ETFDH: variants seen among roughly 807,000 people sequenced by gnomAD.
ETFDH encodes the protein electron transfer flavoprotein dehydrogenase.
A neutral mutation model predicts 73.2 loss-of-function variants in ETFDH; 61 were observed. That is an observed-to-expected ratio of 0.83 (90% CI 0.68 to 1.03). The LOEUF (loss-of-function observed/expected upper bound fraction) is 1.03. Ranked by LOEUF, ETFDH falls within the 50% of genes least tolerant of loss-of-function variation. The pLI, the probability that ETFDH is intolerant of heterozygous loss-of-function variation, is 0.00. For missense variants in ETFDH, 685 were observed against 745.0 expected (o/e 0.92, Z 0.94); for synonymous variants, 243 against 253.3 (o/e 0.96, Z 0.39).
chr4:158,692,478 A>AT (rs966143642), intron 6 of ETFDH, among the ~76,000 whole-genome samples: 2 of 151,314 alleles, frequency 1.3e-5, no homozygotes, highest in African/African-American at 4.9e-5. Flanking sequence ...CCCCATCAGA[A>AT]TCATGTGACA....
At position 158,680,530 on chromosome 4, in the gene ETFDH, G is replaced by A. The variant is rs1169197181; in HGVS notation, c.98G>A (p.Trp33Ter). Residue 33 changes from tryptophan (W) to a stop codon, truncating the protein, a stop_gained, in exon 2 of 13, where the codon TGG becomes TAG. Transcript: ENST00000511912. LOFTEE classifies it high-confidence loss of function. ...TATCTACCTCTATGTGCTACAAGAT[G>A]GTCTTCAACTTCTACTGTGCCTCGA... ...KNYLPLCATR[W>*]SSTSTVPRIT... The A allele has an allele frequency of 6.3e-7, 1 of 1,598,662 alleles. No individual in the cohort carries two copies. Among genetic ancestry groups the A allele is most frequent in the Non-Finnish European group, 8.6e-7 (1 of 1,165,962 alleles).
rs573833715 is a variant in ETFDH, at chr4:158,697,154, G to GC, written c.832-404dup. Among the ~76,000 whole-genome samples the GC allele has an allele frequency of 2.0e-4, 30 of 151,974 alleles. No homozygotes were observed. In the South Asian group the frequency reaches 6.0e-3, roughly 31 times the overall value. On this transcript the variant is annotated intron_variant, in intron 7 of 12. Transcript: ENST00000511912. Reference sequence around the variant, plus strand: ...CTCTCACCCAGGCTGGAGTGCAGTGGCATGATCTTGGCTCACCGCAACTTC... The same window carrying GC: ...CTCTCACCCAGGCTGGAGTGCAGTGGCCATGATCTTGGCTCACCGCAACTTC...
intron 12 of ETFDH, 98 bp from the exon 13 acceptor site, chr4:158,708,266 T>A: frequency 1.2e-6 from 1 of 864,874 alleles, no homozygotes; most frequent in Non-Finnish European, 1.8e-6. Context: ...AAAGCAACCT[T>A]TAAGGTTTCT....
At chr4:158,706,489 C>A in intron 11 of ETFDH, 118 bp downstream of exon 11, 2 of 1,109,558 alleles carry the variant, frequency 1.8e-6, no homozygotes, top group Non-Finnish European at 2.7e-6. Context: ...AATTTAGTGT[C>A]TAAGAACAGT....
chr4:158,685,700 A>G (rs911327323), intron 5 of ETFDH, among the ~76,000 whole-genome samples: 2 of 152,210 alleles, frequency 1.3e-5, no homozygotes, highest in African/African-American at 4.8e-5. Flanking sequence ...GACAATAGAC[A>G]GAGTAATAGG....
intron 2 of ETFDH, 127 bp downstream of exon 2, chr4:158,680,734 C>A: frequency 1.3e-6 from 1 of 785,924 alleles, no homozygotes; most frequent in Non-Finnish European, 2.2e-6. Context: ...TTTACCAAGT[C>A]ACATGCTGCA....
In ETFDH at chr4:158,703,558, C is replaced by A. The variant is rs769904185; in HGVS notation, c.1252C>A (p.Leu418Ile). ...AGCAGCAGAATCTATTTTTAATCAA[C>A]TAACTAGTGAAAATCTCCAATCAAA... Reference protein sequence around the residue: ...ILAAESIFNQLTSENLQSKTI... With the variant: ...ILAAESIFNQITSENLQSKTI... Residue 418 changes from leucine to isoleucine, a missense_variant, in exon 10 of 13, where the codon CTA becomes ATA. By Grantham distance (5) the Leu-to-Ile change is conservative. Around this residue, in one of 3 missense-constraint regions of ETFDH, gnomAD observed 79 missense variants for 120.5 expected, o/e 0.66. Transcript: ENST00000511912. The A allele has an allele frequency of 1.2e-6, 2 of 1,607,492 alleles. No homozygotes were observed. Among genetic ancestry groups the A allele is most frequent in the Non-Finnish European group, 1.7e-6 (2 of 1,174,314 alleles).
chr4:158,684,508 A>G, intron 3 of ETFDH, 84 bp from the exon 4 acceptor site: 1 of 774,550 alleles, frequency 1.3e-6, no homozygotes. Context: ...TTGTCATCAG[A>G]GTACATTTTA....
intron 9 of ETFDH, among the ~76,000 whole-genome samples, chr4:158,700,294 ATTGT>A: frequency 6.6e-6 from 1 of 152,180 alleles, no homozygotes. Flanking sequence ...TTCTCATGAG[ATTGT>A]TTTTGTTTCT....
At chr4:158,681,929 C>T (rs546116016) in intron 2 of ETFDH, 23 of 467,364 alleles carry the variant, frequency 4.9e-5, no homozygotes, top group Non-Finnish European at 8.1e-5. Context: ...CTGTATTTTA[C>T]ACAAGTAAAT....
chr4:158,687,717 C>A (rs2150307686), intron 5 of ETFDH, among the ~76,000 whole-genome samples: 1 of 152,266 alleles, frequency 6.6e-6, no homozygotes, highest in South Asian at 2.1e-4. Context: ...ACTATTGATT[C>A]TTATTATGCA....
intron 5 of ETFDH, among the ~76,000 whole-genome samples, chr4:158,687,308 G>T (rs903926237): frequency 6.6e-6 from 1 of 152,158 alleles, no homozygotes; most frequent in Non-Finnish European, 1.5e-5. Context: ...AGAGACAGAC[G>T]ATTAAGAGAC....
intron 5 of ETFDH, among the ~76,000 whole-genome samples, chr4:158,688,321 G>A (rs1204626661): frequency 6.6e-6 from 1 of 150,406 alleles, no homozygotes; most frequent in African/African-American, 2.4e-5. Flanking sequence ...GAACCCGGGA[G>A]GCAGAGGTTG....
chr4:158,679,236 A>G (rs754375871), intron 1 of ETFDH: 7 of 151,844 alleles, frequency 4.6e-5, no homozygotes, highest in Non-Finnish European at 8.8e-5. Flanking sequence ...ATAAGTTTCT[A>G]TATCTGTCAA....
Position 158,689,817 on chromosome 4 carries a change from C to T in ETFDH, c.607-531C>T, listed in dbSNP as rs528009045. ...GTTACAGACTATTGCTATTTCTCCTCATCAGAATTACACTTTTGACCTATT... is the reference window on the plus strand; with the variant it reads ...GTTACAGACTATTGCTATTTCTCCTTATCAGAATTACACTTTTGACCTATT... On this transcript the variant is annotated intron_variant, in intron 5 of 12. Coordinates refer to ENST00000511912, the MANE Select transcript of ETFDH (RefSeq NM_004453.4). 3.2e-4 allele frequency among the ~76,000 whole-genome samples: 49 copies of T among 151,750 alleles called. No individual in the cohort carries two copies. In the South Asian group the frequency reaches 4.8e-3, roughly 15 times the overall value.
At chr4:158,694,862 A>G (rs1269199434) in intron 6 of ETFDH, among the ~76,000 whole-genome samples, 1 of 152,152 alleles carries the variant, frequency 6.6e-6, no homozygotes, top group African/African-American at 2.4e-5. Flanking sequence ...CCAATATTGT[A>G]CGTGTATACA....
In ETFDH at chr4:158,697,579, G is replaced by C. The variant is rs1209733168; in HGVS notation, c.852G>C (p.Lys284Asn). The change falls in exon 8 of 13, where the codon AAG (lysine) becomes AAC (asparagine). Residue 284 changes from lysine to asparagine, a missense_variant. By Grantham distance (94) the Lys-to-Asn change is moderately conservative. Coordinates refer to ENST00000511912, the MANE Select transcript of ETFDH (RefSeq NM_004453.4). ...TTTAGTTATGGGTTATTGATGAAAA[G>C]AACTGGAAACCTGGGAGAGTAGATC... ...GLKELWVIDEKNWKPGRVDHT... is the reference protein window; with the variant it reads ...GLKELWVIDENNWKPGRVDHT... 1 of 1,608,510 alleles carries C rather than the reference G, an allele frequency of 6.2e-7. No homozygotes were observed. Among genetic ancestry groups the C allele is most frequent in the Admixed American group, 1.7e-5 (1 of 59,832 alleles).
intron 9 of ETFDH, chr4:158,700,599 C>CTT (rs1774438445): frequency 6.7e-6 from 1 of 148,516 alleles, no homozygotes; most frequent in Non-Finnish European, 1.5e-5. Flanking sequence ...CACACACACA[C>CTT]ACTTACTTTT....
At chr4:158,699,360 C>T (rs1018861025) in intron 9 of ETFDH, among the ~76,000 whole-genome samples, 13 of 151,988 alleles carry the variant, frequency 8.6e-5, no homozygotes, top group Non-Finnish European at 1.5e-4. Context: ...TTTGGAAGGC[C>T]GAGTTGGGTA....
Sources: allele counts gnomAD v4.1 joint callset (sites outside exome capture counted in the v4.1 genomes callset), GRCh38; gene constraint gnomAD v4.1.1; regional missense constraint gnomAD v4.1.1; transcripts MANE v1.5; gene names NCBI Gene and HGNC (gene_info 2026-07-23, HGNC 2026-07-21).